The following SNX31 variants were observed in gnomAD, a reference collection of about 807,000 sequenced individuals.
SNX31 encodes the protein sorting nexin-31.
A neutral mutation model predicts 65.4 loss-of-function variants in SNX31; 58 were observed. That is an observed-to-expected ratio of 0.89 (90% confidence interval 0.72 to 1.10). The LOEUF (loss-of-function observed/expected upper bound fraction) is 1.10, where lower values mean the gene tolerates loss of function less well. SNX31 is among the 50% of genes least tolerant of loss of function. SNX31 has a pLI of 0.00. For synonymous variants in SNX31, 181 were observed against 190.1 expected, an observed-to-expected ratio of 0.95 and a Z score of 0.39; for missense variants, 523 against 529.7, an observed-to-expected ratio of 0.99 and a Z score of 0.12.
rs1815503320 is a variant in SNX31 at position 100,600,357 on chromosome 8, G to A, written c.766C>T (p.Gln256Ter). The A allele has an allele frequency of 6.2e-7, 1 of 1,613,024 alleles. No homozygotes were observed. The highest frequency in any genetic ancestry group is 8.5e-7 in the Non-Finnish European group (1 of 1,179,498). Residue 256 changes from glutamine to a stop codon, truncating the protein, a stop_gained, in exon 9 of 14, where the codon CAA (glutamine) becomes TAA (stop). Transcript: ENST00000311812. LOFTEE classifies it high-confidence loss of function. ...KLEAFQKEDS[Q>*]TKFLELAREV... ...AGCAATATTTGATTCACCTTTGTTT[G>A]ACTGTCTTCTTTCTGGAAAGCTTCT...
intron 4 of SNX31, 39 bp from the exon 5 acceptor site, chr8:100,617,769 T>A: frequency 2.4e-5 from 18 of 751,502 alleles, no homozygotes; most frequent in Non-Finnish European, 3.3e-5. Flanking sequence ...TTCCACACCT[T>A]TTTTTTTTTT....
intron 9 of SNX31, among the ~76,000 whole-genome samples, chr8:100,599,078 A>G (rs1317201635): frequency 6.6e-6 from 1 of 152,242 alleles, no homozygotes; most frequent in East Asian, 1.9e-4. Context: ...TGTTGGTTAC[A>G]TATCAGTACA....
chr8:100,581,325 C>A (rs28646093), intron 12 of SNX31, among the ~76,000 whole-genome samples: 3,949 of 128,164 alleles, frequency 0.031, 299 homozygotes, highest in African/African-American at 0.13. Context: ...ATATCTATAT[C>A]TATCTATCTA....
chr8:100,590,983 G>A (rs1198546007), intron 10 of SNX31, among the ~76,000 whole-genome samples: 1 of 152,120 alleles, frequency 6.6e-6, no homozygotes, highest in African/African-American at 2.4e-5. Context: ...AGAGCCCAGG[G>A]GTCCTAATGA....
chr8:100,649,783 C>A (rs868779427), upstream of SNX31: 2 of 407,796 alleles, frequency 4.9e-6, no homozygotes, highest in Non-Finnish European at 8.6e-6. Flanking sequence ...GCCACCCCCA[C>A]CCCGGACATC....
chr8:100,589,873 C>A (rs947352431), intron 10 of SNX31, among the ~76,000 whole-genome samples: 3 of 152,204 alleles, frequency 2.0e-5, no homozygotes, highest in African/African-American at 7.2e-5. Flanking sequence ...TTATGTAGGA[C>A]TATCAGGGAA....
At chr8:100,608,849 G>T (rs961681092) in intron 7 of SNX31, among the ~76,000 whole-genome samples, 1 of 152,096 alleles carries the variant, frequency 6.6e-6, no homozygotes, top group African/African-American at 2.4e-5. Flanking sequence ...CCTCACTCTT[G>T]GCCACCAAGA....
At chr8:100,635,230 A>T (rs543014395) in intron 3 of SNX31, among the ~76,000 whole-genome samples, 1 of 147,694 alleles carries the variant, frequency 6.8e-6, no homozygotes, top group African/African-American at 2.7e-5. Flanking sequence ...TCTTTTATTT[A>T]TTTATTTATT....
intron 3 of SNX31, 38 bp downstream of exon 3, chr8:100,635,859 A>G (rs1031994519): frequency 2.8e-6 from 4 of 1,436,398 alleles, no homozygotes; most frequent in Non-Finnish European, 3.9e-6. Flanking sequence ...CTTACATTGC[A>G]ATAAATCTGT....
chr8:100,581,895 C>T (rs1188671913), intron 12 of SNX31, among the ~76,000 whole-genome samples: 1 of 152,152 alleles, frequency 6.6e-6, no homozygotes, highest in African/African-American at 2.4e-5. Flanking sequence ...GCTCTCTCTA[C>T]CTCCCAGGTT....
chr8:100,649,445 G>A lies in SNX31; in HGVS notation c.66+4C>T, dbSNP rs768184952. ...GCCCACCCTGACCCCAGCCCTGGGC[G>A]CACCACGTAGCGGCCCCCCAGCGCG... On this transcript the variant is annotated splice_donor_region_variant and intron_variant, in intron 1 of 13. Coordinates refer to ENST00000311812, the MANE Select transcript of SNX31 (RefSeq NM_152628.4). 7 of 1,584,010 alleles carry A rather than the reference G, an allele frequency of 4.4e-6. No homozygotes were observed. The highest frequency in any genetic ancestry group is 2.7e-5 in the African/African-American group (2 of 74,306).
intron 2 of SNX31, 23 bp downstream of exon 2, chr8:100,649,251 G>T (rs770450117): frequency 1.2e-6 from 2 of 1,612,206 alleles, no homozygotes; most frequent in South Asian, 1.1e-5. Flanking sequence ...GGATGGGCTC[G>T]TACCCGCCTC....
At position 100,632,889 on chromosome 8, in the gene SNX31, G is replaced by A. The variant is rs762836897; in HGVS notation, c.257-2498C>T. Among the ~76,000 whole-genome samples the A allele has an allele frequency of 3.5e-4, 53 of 151,862 alleles. 1 individual carries two copies. The highest frequency in any genetic ancestry group is 1.3e-4 in the Admixed American group (2 of 15,244). ...TGGGATTACAGGTGTGAGCCACCACGCCCAGCCTAAATGTCTCAGCAGTTT... is the reference window on the plus strand; with the variant it reads ...TGGGATTACAGGTGTGAGCCACCACACCCAGCCTAAATGTCTCAGCAGTTT... On this transcript the variant is annotated intron_variant, in intron 3 of 13. Transcript: ENST00000311812.
chr8:100,598,535 G>A (rs988213532), intron 9 of SNX31, among the ~76,000 whole-genome samples: 1 of 149,934 alleles, frequency 6.7e-6, no homozygotes, highest in Admixed American at 6.6e-5. Flanking sequence ...GAAAGGTGGT[G>A]ATGAGTAAGT....
chr8:100,597,979 A>G (rs1815267812), intron 9 of SNX31, among the ~76,000 whole-genome samples: 1 of 152,240 alleles, frequency 6.6e-6, no homozygotes, highest in Non-Finnish European at 1.5e-5. Flanking sequence ...TTCCCACTTT[A>G]GCACATGGTT....
intron 12 of SNX31, among the ~76,000 whole-genome samples, chr8:100,580,599 C>T (rs1813409556): frequency 6.6e-6 from 1 of 152,200 alleles, no homozygotes; most frequent in Non-Finnish European, 1.5e-5. Flanking sequence ...TTCATATTTT[C>T]CTCATACTTG....
intron 3 of SNX31, among the ~76,000 whole-genome samples, chr8:100,635,273 T>C (rs1418044897): frequency 2.6e-5 from 4 of 151,888 alleles, no homozygotes; most frequent in Non-Finnish European, 5.9e-5. Context: ...ACTGTCTTGC[T>C]GTGTCACCCA....
intron 11 of SNX31, among the ~76,000 whole-genome samples, chr8:100,586,462 T>G (rs1470094042): frequency 6.6e-6 from 1 of 152,220 alleles, no homozygotes; most frequent in Non-Finnish European, 1.5e-5. Context: ...GAATGTTTAT[T>G]GCACCTCTTT....
In SNX31 at chr8:100,588,856, G is replaced by A; in HGVS notation, c.1092+10C>T. 6.3e-7 allele frequency: 1 copy of A among 1,598,404 alleles called. No individual in the cohort carries two copies. The highest frequency in any genetic ancestry group is 1.7e-5 in the Admixed American group (1 of 59,930). On this transcript the variant is annotated intron_variant, in intron 11 of 13. Coordinates refer to ENST00000311812, the MANE Select transcript of SNX31 (RefSeq NM_152628.4). This position sits in a 1 kb window ranked among gnomAD's most constrained non-coding sequence, Gnocchi z 4.8. ...ACAGAGGGTGTTCAAGGTCTGCCCT[G>A]AGAACTCACCTGTTTGGTGTAAATA...
Sources: gnomAD v4.1 joint callset for allele counts (sites outside exome capture counted in the v4.1 genomes callset) on GRCh38, gnomAD v4.1.1 for gene constraint, Gnocchi (gnomAD v3.1) non-coding constraint, MANE v1.5 for transcripts, NCBI Gene and HGNC (gene_info 2026-07-23, HGNC 2026-07-21) for gene names.